TMEM74: variants seen among roughly 807,000 people sequenced by gnomAD.
TMEM74 encodes the protein transmembrane protein 74.
TMEM74 carries 13 observed loss-of-function variants against 18.1 expected under a neutral mutation model. The observed-to-expected ratio is 0.72, with a 90% CI of 0.47 to 1.14. TMEM74 has a LOEUF of 1.14. Among genes scored for constraint, TMEM74 ranks in the 50% most tolerant of loss-of-function variants. TMEM74 has a pLI of 0.00. For synonymous variants in TMEM74, 159 were observed against 146.6 expected, an observed-to-expected ratio of 1.08 and a Z score of -0.61; for missense variants, 372 against 375.9, an observed-to-expected ratio of 0.99 and a Z score of 0.09.
At chr8:108,612,418 G>A (rs1026378270) in intron 2 of TMEM74, among the ~76,000 whole-genome samples, 5 of 152,054 alleles carry the variant, frequency 3.3e-5, no homozygotes, top group Non-Finnish European at 1.5e-5. Context: ...AATATTAAAG[G>A]GAAAGTATTA....
At chr8:108,641,388 A>G (rs1362533050) in intron 2 of TMEM74, among the ~76,000 whole-genome samples, 1 of 152,156 alleles carries the variant, frequency 6.6e-6, no homozygotes, top group African/African-American at 2.4e-5. Context: ...TATATGTTTA[A>G]TGATGACTTT....
intron 1 of TMEM74, among the ~76,000 whole-genome samples, chr8:108,765,701 C>T (rs952918083): frequency 6.6e-6 from 1 of 152,064 alleles, no homozygotes; most frequent in African/African-American, 2.4e-5. Flanking sequence ...AGCTACTGCA[C>T]CTGGCCATCT....
intron 1 of TMEM74, among the ~76,000 whole-genome samples, chr8:108,657,859 A>AAATATAT (rs1554630268): frequency 8.0e-5 from 4 of 49,888 alleles, no homozygotes; most frequent in African/African-American, 1.6e-4. Context: ...AAAAAAAAAA[A>AAATATAT]ATATATATAT....
chr8:108,769,081 T>C (rs1410348353), intron 1 of TMEM74, among the ~76,000 whole-genome samples: 1 of 151,494 alleles, frequency 6.6e-6, no homozygotes, highest in Non-Finnish European at 1.5e-5. Flanking sequence ...GGTGGGTGGA[T>C]CACTTGAGGT....
chr8:108,611,534 G>A lies in TMEM74; in HGVS notation n.265-2708C>T, dbSNP rs79251836. 6.2e-3 allele frequency among the ~76,000 whole-genome samples: 944 copies of A among 152,254 alleles called. 13 individuals are homozygous for A. The highest frequency in any genetic ancestry group is 0.02 in the African/African-American group (849 of 41,556). ...AGTTGTGCTCATAGAAAACATAATG[G>A]TGTTTCAAATTAATAGATAGTGCTC... On this transcript the variant is annotated intron_variant and non_coding_transcript_variant, in intron 2 of 3. Coordinates refer to the TMEM74 transcript ENST00000518838.
At chr8:108,700,183 C>G (rs1244490058) in intron 1 of TMEM74, among the ~76,000 whole-genome samples, 1 of 133,994 alleles carries the variant, frequency 7.5e-6, no homozygotes. Context: ...TGTGGGGCAC[C>G]CACGTCAAGG....
At chr8:108,678,088 T>G (rs572511038) in intron 1 of TMEM74, among the ~76,000 whole-genome samples, 1 of 152,224 alleles carries the variant, frequency 6.6e-6, no homozygotes, top group African/African-American at 2.4e-5. Context: ...TACTTAACAG[T>G]GTTGTCTATT....
intron 1 of TMEM74, among the ~76,000 whole-genome samples, chr8:108,748,683 GT>G (rs61210114): frequency 0.026 from 3,458 of 132,652 alleles, 82 homozygotes; most frequent in African/African-American, 0.073. Context: ...TTCTTCTAGG[GT>G]TTTTTTTTTT....
intron 2 of TMEM74, among the ~76,000 whole-genome samples, chr8:108,640,115 C>CTTTTT (rs35455409): frequency 2.3e-3 from 184 of 78,836 alleles, no homozygotes; most frequent in Non-Finnish European, 2.9e-3. Context: ...ATAGTAATCA[C>CTTTTT]TTTTTTTTTT....
intron 1 of TMEM74, among the ~76,000 whole-genome samples, chr8:108,751,405 A>T (rs1043973689): frequency 6.6e-6 from 1 of 152,128 alleles, no homozygotes; most frequent in Non-Finnish European, 1.5e-5. Context: ...CAGGAGAAGG[A>T]ATTTGAATCC....
chr8:108,769,527 T>G lies in TMEM74; in HGVS notation n.119+17949A>C, dbSNP rs965012370. Among the ~76,000 whole-genome samples, 30 of 152,248 alleles carry G rather than the reference T, an allele frequency of 2.0e-4. 1 individual carries two copies. The highest frequency in any genetic ancestry group is 1.2e-3 in the Admixed American group (18 of 15,290). ...TGTGCCCGACCCTCAAATTCTTCATTATTTCTCATATAGAGTAGTGGGTTG... is the reference window on the plus strand; with the variant it reads ...TGTGCCCGACCCTCAAATTCTTCATGATTTCTCATATAGAGTAGTGGGTTG... On this transcript the variant is annotated intron_variant and non_coding_transcript_variant, in intron 1 of 3. Coordinates refer to the TMEM74 transcript ENST00000518838.
At chr8:108,646,533 C>G (rs1812722023) in intron 2 of TMEM74, among the ~76,000 whole-genome samples, 1 of 151,988 alleles carries the variant, frequency 6.6e-6, no homozygotes, top group African/African-American at 2.4e-5. Flanking sequence ...TCCAAATAGA[C>G]AAGAATATGC....
At chr8:108,750,821 A>C (rs2130652714) in intron 1 of TMEM74, among the ~76,000 whole-genome samples, 1 of 152,226 alleles carries the variant, frequency 6.6e-6, no homozygotes, top group Non-Finnish European at 1.5e-5. Flanking sequence ...GGCTGCCTAT[A>C]AAGTCCTTGG....
chr8:108,660,828 C>T lies in TMEM74; in HGVS notation n.120-5391G>A, dbSNP rs149009629. Among the ~76,000 whole-genome samples the T allele has an allele frequency of 7.9e-5, 12 of 152,058 alleles. No homozygotes were observed. In the East Asian group the frequency reaches 1.5e-3, roughly 20 times the overall value. On this transcript the variant is annotated intron_variant and non_coding_transcript_variant, in intron 1 of 3. Coordinates refer to the TMEM74 transcript ENST00000518838. ...CTGGGAGAAGAGAACAGATTTTAAC[C>T]GTTGCTTATTTTGTATATTTGTAGC...
intron 1 of TMEM74, among the ~76,000 whole-genome samples, chr8:108,748,986 A>T (rs1294988913): frequency 6.6e-6 from 1 of 151,906 alleles, no homozygotes; most frequent in Non-Finnish European, 1.5e-5. Context: ...GTGGTGCCAG[A>T]TGTGTTTTGT....
At chr8:108,699,714 G>A (rs979713811) in intron 1 of TMEM74, among the ~76,000 whole-genome samples, 13 of 152,170 alleles carry the variant, frequency 8.5e-5, no homozygotes, top group African/African-American at 3.1e-4. Context: ...ATGCACAGTG[G>A]TCTTAAGCAC....
intron 2 of TMEM74, among the ~76,000 whole-genome samples, chr8:108,632,048 T>G (rs1399441793): frequency 2.0e-5 from 3 of 151,948 alleles, no homozygotes; most frequent in Non-Finnish European, 4.4e-5. Flanking sequence ...GGGAGGCAGG[T>G]GAGTGAACAG....
At chr8:108,656,190 C>G (rs1348633224) in intron 1 of TMEM74, among the ~76,000 whole-genome samples, 2 of 152,152 alleles carry the variant, frequency 1.3e-5, no homozygotes, top group Non-Finnish European at 2.9e-5. Context: ...CTTCTTCTCC[C>G]CTTGGTCTTT....
Position 108,614,036 on chromosome 8 carries a change from T to G in TMEM74, n.265-5210A>C, listed in dbSNP as rs539505990. Among the ~76,000 whole-genome samples, 78 of 73,600 alleles carry G rather than the reference T, an allele frequency of 1.1e-3. No homozygotes were observed. In the South Asian group the frequency reaches 0.024, roughly 22 times the overall value. 48.3% of individuals were successfully genotyped at this position (73,600 alleles called of 152,430 possible). Reference sequence around the variant, plus strand: ...TGGGAGAAGTACCATTTTCATAAGGTTTTTTTTTTTTTTTGTATGGGGTAT... The same window carrying G: ...TGGGAGAAGTACCATTTTCATAAGGGTTTTTTTTTTTTTTGTATGGGGTAT... On this transcript the variant is annotated intron_variant and non_coding_transcript_variant, in intron 2 of 3. Transcript: ENST00000518838.
Sources: allele counts gnomAD v4.1 joint callset (sites outside exome capture counted in the v4.1 genomes callset), GRCh38; gene constraint gnomAD v4.1.1; transcripts MANE v1.5; gene names NCBI Gene and HGNC (gene_info 2026-07-23, HGNC 2026-07-21).